The following CMC2 variants were observed in gnomAD, a reference collection of about 807,000 sequenced individuals.
The protein encoded by CMC2 is C-X9-C motif containing 2.
A neutral mutation model predicts 7.5 loss-of-function variants in CMC2; 5 were observed. That is an observed-to-expected ratio of 0.66 (90% CI 0.35 to 1.40). The LOEUF (loss-of-function observed/expected upper bound fraction) is 1.40, where lower values mean the gene tolerates loss of function less well. Among genes scored for constraint, CMC2 ranks in the 40% most tolerant of loss-of-function variants. The pLI, the probability that CMC2 is intolerant of heterozygous loss-of-function variation, is 0.04. For missense variants in CMC2, 115 were observed against 92.3 expected (o/e 1.25, Z -1.01); for synonymous variants, 37 against 31.4 (o/e 1.18, Z -0.60).
chr16:81,003,274 A>C (rs1475077119), intron 1 of CMC2, among the ~76,000 whole-genome samples: 1 of 152,256 alleles, frequency 6.6e-6, no homozygotes, highest in Non-Finnish European at 1.5e-5. Context: ...TATATTTAAC[A>C]AACTGAAGAA....
At chr16:80,977,643 G>C (rs958592996) in intron 3 of CMC2, among the ~76,000 whole-genome samples, 1 of 152,168 alleles carries the variant, frequency 6.6e-6, no homozygotes, top group Non-Finnish European at 1.5e-5. Flanking sequence ...CACTCTTCTG[G>C]ACCAGTAACT....
At chr16:80,978,208 G>C in intron 3 of CMC2, 2 of 944,808 alleles carry the variant, frequency 2.1e-6, no homozygotes, top group Non-Finnish European at 2.6e-6. Context: ...AACAAGGAAG[G>C]ATACCTGCTC....
chr16:80,977,009 T>TA (rs2151612089), intron 3 of CMC2, among the ~76,000 whole-genome samples: 1 of 151,808 alleles, frequency 6.6e-6, no homozygotes, highest in South Asian at 2.1e-4. Context: ...ATGACAGACA[T>TA]AGACTACAGT....
intron 3 of CMC2, among the ~76,000 whole-genome samples, chr16:80,976,991 C>T (rs1170166206): frequency 1.3e-5 from 2 of 151,856 alleles, no homozygotes. Context: ...TACAGTGCTC[C>T]AGTCACAATG....
At chr16:80,996,483 T>C (rs757986217) in intron 2 of CMC2, among the ~76,000 whole-genome samples, 1 of 152,216 alleles carries the variant, frequency 6.6e-6, no homozygotes, top group Non-Finnish European at 1.5e-5. Flanking sequence ...TCTATATGTA[T>C]AGTGAAATAG....
chr16:81,002,989 T>G (rs1968984321), intron 1 of CMC2, among the ~76,000 whole-genome samples: 1 of 152,208 alleles, frequency 6.6e-6, no homozygotes, highest in South Asian at 2.1e-4. Flanking sequence ...CATCACTCCC[T>G]TCTTTCTTCT....
chr16:80,985,299 T>C (rs1967434723), intron 2 of CMC2, among the ~76,000 whole-genome samples: 1 of 152,178 alleles, frequency 6.6e-6, no homozygotes, highest in South Asian at 2.1e-4. Context: ...CACAAGGGTA[T>C]AGCGGAGTTT....
intron 3 of CMC2, among the ~76,000 whole-genome samples, chr16:80,976,645 T>C (rs1375131420): frequency 6.6e-6 from 1 of 152,160 alleles, no homozygotes; most frequent in East Asian, 1.9e-4. Flanking sequence ...AAGTTTTTCA[T>C]TTTAAACCAA....
At chr16:81,006,531 G>A (rs1295929463) in intron 1 of CMC2, 1 of 192,234 alleles carries the variant, frequency 5.2e-6, no homozygotes, top group Non-Finnish European at 9.6e-6. Context: ...GGCCACCAGC[G>A]TGTTCCAGCG....
intron 1 of CMC2, 148 bp downstream of exon 1, chr16:81,006,586 G>A: frequency 2.1e-6 from 1 of 487,660 alleles, no homozygotes. Flanking sequence ...GCAGCAGCCC[G>A]GCTGTGGGCC....
rs1333118771 is a variant in CMC2 at position 80,970,095 on chromosome 16, T to G, written c.*5998A>C. 1 of 152,150 alleles carries G rather than the reference T, an allele frequency of 6.6e-6. No individual in the cohort carries two copies. Among genetic ancestry groups the G allele is most frequent in the African/African-American group, 2.4e-5 (1 of 41,440 alleles). 9.4% of individuals were successfully genotyped at this position (152,150 alleles called of 1,614,324 possible). A position where few individuals can be genotyped will look rare whatever the true frequency, so the allele number is the denominator to read the frequency against. ...AATGACAGACAGGTATTTAAATAAC[T>G]TACCTGACCATTGGGAGGGATGAAG... On this transcript the variant is annotated 3_prime_UTR_variant, in exon 4 of 4. Coordinates refer to ENST00000219400, the MANE Select transcript of CMC2 (RefSeq NM_020188.5).
rs1186683616 is a variant in CMC2, at chr16:80,968,545, G to T, written c.*7548C>A. 1 of 152,118 alleles carries T rather than the reference G, an allele frequency of 6.6e-6. No homozygotes were observed. The highest frequency in any genetic ancestry group is 2.4e-5 in the African/African-American group (1 of 41,392). 9.4% of individuals were successfully genotyped at this position (152,118 alleles called of 1,614,324 possible). On this transcript the variant is annotated 3_prime_UTR_variant, in exon 4 of 4. Transcript: ENST00000219400. The stretch of plus-strand genomic sequence containing the variant: ...CTCCCATCCTCCCCCCATCTTCTAG[G>T]AATGAGTTAGTTCTCTAACTGTTGA...
intron 2 of CMC2, chr16:80,997,004 A>G: frequency 2.1e-6 from 1 of 479,496 alleles, no homozygotes; most frequent in Non-Finnish European, 4.0e-6. Flanking sequence ...AGCGCTGAAT[A>G]TAACTGTTCT....
chr16:80,988,706 T>G (rs1160623860), intron 2 of CMC2: 3 of 590,306 alleles, frequency 5.1e-6, no homozygotes, highest in Non-Finnish European at 9.1e-6. Context: ...TTCACCAATT[T>G]GCCTAATAAT....
chr16:80,998,516 C>A (rs1241565754), intron 1 of CMC2: 1 of 152,160 alleles, frequency 6.6e-6, no homozygotes, highest in African/African-American at 2.4e-5. Flanking sequence ...TCCAACAATT[C>A]CACTTCCGGC....
In CMC2 at chr16:80,984,112, C is replaced by A. The variant is rs548917611; in HGVS notation, c.82-2235G>T. On this transcript the variant is annotated intron_variant, in intron 2 of 3. Coordinates refer to ENST00000219400, the MANE Select transcript of CMC2 (RefSeq NM_020188.5). ...GATTTAAAAAATAAAATAACATCTC[C>A]TAGTTGTTTCTAGTCCTATGAGTAT... is the stretch of plus-strand genomic sequence containing the variant. 3.9e-5 allele frequency: 6 copies of A among 152,286 alleles called. No homozygotes were observed. In the East Asian group the frequency reaches 9.6e-4, roughly 24 times the overall value. 9.4% of individuals were successfully genotyped at this position (152,286 alleles called of 1,614,324 possible). A position where few individuals can be genotyped will look rare whatever the true frequency, so the allele number is the denominator to read the frequency against.
intron 1 of CMC2, among the ~76,000 whole-genome samples, chr16:80,999,682 CA>C (rs1968711223): frequency 6.6e-6 from 1 of 152,160 alleles, no homozygotes; most frequent in Non-Finnish European, 1.5e-5. Context: ...CTACAATAAC[CA>C]AATCAGCAAG....
intron 3 of CMC2, among the ~76,000 whole-genome samples, chr16:80,979,844 A>C (rs745650980): frequency 7.9e-5 from 12 of 151,736 alleles, no homozygotes; most frequent in Non-Finnish European, 1.6e-4. Context: ...CTGGTCTCAA[A>C]CTCCTGACCT....
Position 80,973,137 on chromosome 16 carries a change from G to T in CMC2, c.*2956C>A, listed in dbSNP as rs1440061917. 3 of 152,334 alleles carry T rather than the reference G, an allele frequency of 2.0e-5. No homozygotes were observed. The highest frequency in any genetic ancestry group is 7.2e-5 in the African/African-American group (3 of 41,476). 9.4% of individuals were successfully genotyped at this position (152,334 alleles called of 1,614,324 possible). A position where few individuals can be genotyped will look rare whatever the true frequency, so the allele number is the denominator to read the frequency against. On this transcript the variant is annotated 3_prime_UTR_variant, in exon 4 of 4. Transcript: ENST00000219400. ...TGATGAGATGTAAAGCATGGAATAA[G>T]ATGCAGCCACCCCTGGGACTGGCTT...
Sources: allele counts gnomAD v4.1 joint callset (sites outside exome capture counted in the v4.1 genomes callset), GRCh38; gene constraint gnomAD v4.1.1; transcripts MANE v1.5; gene names NCBI Gene and HGNC (gene_info 2026-07-23, HGNC 2026-07-21).